The following VCAM1 variants were observed in gnomAD, a reference collection of about 807,000 sequenced individuals.
VCAM1 encodes the protein vascular cell adhesion molecule 1, also known as vascular cell adhesion protein 1.
In VCAM1, 41 loss-of-function variants were observed where a neutral mutation model predicts 63.8. That is an observed-to-expected ratio of 0.64 (90% confidence interval 0.50 to 0.83). The LOEUF is 0.83. Ranked by LOEUF, VCAM1 falls within the 40% of genes least tolerant of loss-of-function variation. The probability of loss-of-function intolerance (pLI) is 0.00; values close to 1 mark genes in which losing one functional copy is unlikely to be tolerated. For missense variants in VCAM1, 798 were observed against 875.5 expected (o/e 0.91, Z 1.12); for synonymous variants, 338 against 320.7 (o/e 1.05, Z -0.58).
At position 100,731,413 on chromosome 1, in the gene VCAM1, A is replaced by G. The variant is rs748956130; in HGVS notation, c.1420A>G (p.Ile474Val). The change falls in exon 6 of 9, where the codon ATT becomes GTT. Residue 474 changes from isoleucine (I) to valine (V), a missense_variant. Ile to Val is a conservative substitution (Grantham distance 29). Coordinates refer to ENST00000294728, the MANE Select transcript of VCAM1 (RefSeq NM_001078.4). This position sits in a 1 kb window ranked among gnomAD's most constrained non-coding sequence, Gnocchi z 4.2. ...TTTGGAAATGACCTTCATCCCTACC[A>G]TTGAAGATACTGGAAAAGCTCTTGT... The part of the protein sequence containing the change: ...KSLEMTFIPT[I>V]EDTGKALVCQ... 6 of 1,613,842 alleles carry G rather than the reference A, an allele frequency of 3.7e-6. No homozygotes were observed. The South Asian group carries it at 6.6e-5, about 18-fold the overall frequency.
chr1:100,730,559 T>C (rs1397486383), intron 5 of VCAM1, among the ~76,000 whole-genome samples: 4 of 152,140 alleles, frequency 2.6e-5, no homozygotes, highest in East Asian at 1.9e-4. Flanking sequence ...AATTTGGTCA[T>C]TAAAATTTAA....
intron 8 of VCAM1, chr1:100,737,626 T>G (rs1361348909): frequency 6.6e-6 from 1 of 152,250 alleles, no homozygotes; most frequent in Non-Finnish European, 1.5e-5. Flanking sequence ...GGCAAGATTT[T>G]TTTTTTCTCT....
At position 100,721,349 on chromosome 1, in the gene VCAM1, G is replaced by T. The variant is rs983680001; in HGVS notation, c.340+598G>T. Among the ~76,000 whole-genome samples, 5 of 151,848 alleles carry T rather than the reference G, an allele frequency of 3.3e-5. No homozygotes were observed. The South Asian group carries it at 1.0e-3, about 32-fold the overall frequency. ...TGCCATGAAGCCTTGGTGCTCAACC[G>T]CTCAACTTCAAAGATATTTATATAA... On this transcript the variant is annotated intron_variant, in intron 2 of 8. Transcript: ENST00000294728.
At chr1:100,737,210 T>C (rs1303795235) in intron 8 of VCAM1, 2 of 152,164 alleles carry the variant, frequency 1.3e-5, no homozygotes, top group South Asian at 2.1e-4. Flanking sequence ...TTAAAAAATA[T>C]TGTTTTTGGT....
chr1:100,722,710 A>C (rs557998533), intron 2 of VCAM1, among the ~76,000 whole-genome samples: 1 of 152,098 alleles, frequency 6.6e-6, no homozygotes, highest in East Asian at 1.9e-4. Flanking sequence ...TTCATGTTAA[A>C]TCTATAGCAC....
intron 8 of VCAM1, chr1:100,735,519 T>A (rs1461159960): frequency 6.6e-6 from 1 of 152,198 alleles, no homozygotes; most frequent in Admixed American, 6.5e-5. Flanking sequence ...TACTTGGCGG[T>A]GGAGTGCAAA....
At position 100,738,823 on chromosome 1, in the gene VCAM1, A is replaced by T. The variant is rs1660752153; in HGVS notation, c.*540A>T. On this transcript the variant is annotated 3_prime_UTR_variant, in exon 9 of 9. Coordinates refer to ENST00000294728, the MANE Select transcript of VCAM1 (RefSeq NM_001078.4). ...TAGACAAATAATAAGCAAAGGGAGCACTGGGTTGACTTTCAGGTACTAAAT... is the reference window on the plus strand; with the variant it reads ...TAGACAAATAATAAGCAAAGGGAGCTCTGGGTTGACTTTCAGGTACTAAAT... 1 of 152,402 alleles carries T rather than the reference A, an allele frequency of 6.6e-6. No individual in the cohort carries two copies. The highest frequency in any genetic ancestry group is 2.1e-4 in the South Asian group (1 of 4,832). The allele number at this position is 152,402 out of a possible 1,614,324, so 9.4% of individuals were successfully genotyped here. A position where few individuals can be genotyped will look rare whatever the true frequency, so the allele number is the denominator to read the frequency against.
chr1:100,728,441 C>A (rs776507557), intron 4 of VCAM1, among the ~76,000 whole-genome samples: 65 of 152,064 alleles, frequency 4.3e-4, no homozygotes, highest in Non-Finnish European at 4.0e-4. Flanking sequence ...TTTTCCAGTA[C>A]CTCTTTTAGA....
intron 2 of VCAM1, among the ~76,000 whole-genome samples, chr1:100,721,526 G>T (rs1023714722): frequency 6.6e-6 from 1 of 151,964 alleles, no homozygotes; most frequent in Non-Finnish European, 1.5e-5. Flanking sequence ...TGTTACTGAT[G>T]GCCTCTCTTT....
At chr1:100,726,579 G>A (rs916240605) in intron 4 of VCAM1, among the ~76,000 whole-genome samples, 1 of 152,008 alleles carries the variant, frequency 6.6e-6, no homozygotes, top group South Asian at 2.1e-4. Context: ...CAGCCTCCCA[G>A]TTCCAGACTG....
Position 100,723,160 on chromosome 1 carries a change from AG to A in VCAM1, c.482del (p.Ser161IlefsTer20). ...DLLKGDHLMK[S>X]QEFLEDADRK... The stretch of plus-strand genomic sequence containing the variant: ...ACTGAAAGGAGATCATCTCATGAAG[AG>A]TCAGGAATTTCTGGAGGATGCAGAC... On this transcript the variant is annotated frameshift_variant, in exon 3 of 9. Transcript: ENST00000294728. LOFTEE classifies it high-confidence loss of function. 1 of 1,613,144 alleles carries A rather than the reference AG, an allele frequency of 6.2e-7. No individual in the cohort carries two copies. The highest frequency in any genetic ancestry group is 8.5e-7 in the Non-Finnish European group (1 of 1,179,470).
chr1:100,734,095 G>T (rs907789659), intron 7 of VCAM1, among the ~76,000 whole-genome samples: 2 of 152,048 alleles, frequency 1.3e-5, no homozygotes, highest in African/African-American at 4.8e-5. Flanking sequence ...AAAAGTTCTC[G>T]TAAAAACTCA....
intron 4 of VCAM1, among the ~76,000 whole-genome samples, chr1:100,728,530 C>T (rs911821412): frequency 1.1e-4 from 16 of 151,942 alleles, no homozygotes; most frequent in Admixed American, 1.1e-3. Context: ...TCAGACCCAC[C>T]TGGCATCAAG....
At chr1:100,728,612 A>G (rs3917049) in intron 4 of VCAM1, among the ~76,000 whole-genome samples, 542 of 152,042 alleles carry the variant, frequency 3.6e-3, no homozygotes, top group African/African-American at 0.011. Flanking sequence ...TCAAGAAGAA[A>G]AAGGAGGGGG....
intron 7 of VCAM1, 55 bp from the exon 8 acceptor site, chr1:100,734,447 T>C (rs555162595): frequency 5.8e-6 from 9 of 1,549,472 alleles, no homozygotes; most frequent in African/African-American, 5.5e-5. Context: ...TAAATTAATA[T>C]GGAGTTGGTT....
Position 100,731,001 on chromosome 1 carries a change from G to A in VCAM1, c.1205-197G>A, listed in dbSNP as rs1660432504. 1.3e-5 allele frequency among the ~76,000 whole-genome samples: 2 copies of A among 152,022 alleles called. No homozygotes were observed. Among genetic ancestry groups the A allele is most frequent in the African/African-American group, 4.8e-5 (2 of 41,402 alleles). On this transcript the variant is annotated intron_variant, in intron 5 of 8. Transcript: ENST00000294728. This position sits in a 1 kb window ranked among gnomAD's most constrained non-coding sequence, Gnocchi z 4.2. ...ACTCAATGACTGGATATACTAAGTA[G>A]TTTTTGTTTCTAACATTATTCATAT...
At chr1:100,725,854 G>A (rs949686265) in intron 4 of VCAM1, among the ~76,000 whole-genome samples, 1 of 151,946 alleles carries the variant, frequency 6.6e-6, no homozygotes, top group Admixed American at 6.6e-5. Context: ...ATACAATGTA[G>A]AATGATTAAG....
At chr1:100,729,436 A>G in intron 5 of VCAM1, 54 bp downstream of exon 5, 1 of 1,503,028 alleles carries the variant, frequency 6.7e-7, no homozygotes, top group Non-Finnish European at 8.9e-7. Context: ...CTATTGGAAG[A>G]AAAAGAATGC....
In VCAM1 at chr1:100,720,509, C is replaced by G. The variant is rs746519897; in HGVS notation, c.98C>G (p.Ser33Cys). 18 of 1,612,032 alleles carry G rather than the reference C, an allele frequency of 1.1e-5. No homozygotes were observed. The highest frequency in any genetic ancestry group is 1.5e-5 in the Non-Finnish European group (18 of 1,178,612). ...TTTAAAATCGAGACCACCCCAGAAT[C>G]TAGATATCTTGCTCAGATTGGTGAC... ...QAFKIETTPESRYLAQIGDSV... is the reference protein window; with the variant it reads ...QAFKIETTPECRYLAQIGDSV... Residue 33 changes from serine to cysteine, a missense_variant, in exon 2 of 9, where the codon TCT becomes TGT. Ser to Cys is a moderately radical substitution (Grantham distance 112). Coordinates refer to ENST00000294728, the MANE Select transcript of VCAM1 (RefSeq NM_001078.4).
Sources: gnomAD v4.1 joint callset for allele counts (sites outside exome capture counted in the v4.1 genomes callset) on GRCh38, gnomAD v4.1.1 for gene constraint, Gnocchi (gnomAD v3.1) non-coding constraint, MANE v1.5 for transcripts, NCBI Gene and HGNC (gene_info 2026-07-23, HGNC 2026-07-21) for gene names.